SCUBE1: variants seen among roughly 807,000 people sequenced by gnomAD.
SCUBE1 encodes the protein signal peptide, CUB and EGF-like domain-containing protein 1.
A neutral mutation model predicts 124.4 loss-of-function variants in SCUBE1; 59 were observed. The ratio of observed to expected loss-of-function variants is 0.47; its 90% CI spans 0.38 to 0.59. The LOEUF (loss-of-function observed/expected upper bound fraction) is 0.59. Among genes scored for constraint, SCUBE1 ranks in the 20% least tolerant of loss-of-function variants. The pLI, the probability that SCUBE1 is intolerant of heterozygous loss-of-function variation, is 0.00. For missense variants in SCUBE1, 1,150 were observed against 1,371.2 expected, an observed-to-expected ratio of 0.84 and a Z score of 2.55; for synonymous variants, 545 against 550.9, an observed-to-expected ratio of 0.99 and a Z score of 0.15.
At chr22:43,301,919 G>A (rs537169880) in intron 3 of SCUBE1, among the ~76,000 whole-genome samples, 1 of 152,360 alleles carries the variant, frequency 6.6e-6, no homozygotes, top group African/African-American at 2.4e-5. Flanking sequence ...TGAGCTGCAT[G>A]GCCTTCGCTG....
chr22:43,278,536 C>T (rs1365909732), intron 4 of SCUBE1, among the ~76,000 whole-genome samples: 2 of 152,186 alleles, frequency 1.3e-5, no homozygotes, highest in Non-Finnish European at 2.9e-5. Context: ...GGCCCAGATC[C>T]TATAGGAATC....
chr22:43,242,660 G>C (rs988266543), intron 6 of SCUBE1, among the ~76,000 whole-genome samples: 2 of 152,258 alleles, frequency 1.3e-5, no homozygotes, highest in African/African-American at 4.8e-5. Context: ...AAGAGGAGGA[G>C]GACGCAGAGC....
At chr22:43,298,493 A>AT (rs1925646853) in intron 3 of SCUBE1, among the ~76,000 whole-genome samples, 1 of 152,200 alleles carries the variant, frequency 6.6e-6, no homozygotes, top group Non-Finnish European at 1.5e-5. Context: ...GTCCAAACCC[A>AT]GCAAGCCAGC....
Position 43,210,801 on chromosome 22 carries a change from G to A in SCUBE1, c.2383+121C>T, listed in dbSNP as rs1037475210. 9.2e-6 allele frequency: 11 copies of A among 1,191,894 alleles called. No individual in the cohort carries two copies. The highest frequency in any genetic ancestry group is 9.0e-5 in the African/African-American group (6 of 66,900). 73.8% of individuals were successfully genotyped at this position (1,191,894 alleles called of 1,614,324 possible). ...CAATGCACCCGAGAGCAGACGGGAC[G>A]GAGCGGGAGGAGTCCAGTGTCCTCG... On this transcript the variant is annotated intron_variant, in intron 18 of 21. Coordinates refer to ENST00000360835, the MANE Select transcript of SCUBE1 (RefSeq NM_173050.5). This position sits in a 1 kb window ranked among gnomAD's most constrained non-coding sequence, Gnocchi z 4.5.
chr22:43,257,184 C>T (rs1923692862), intron 6 of SCUBE1, among the ~76,000 whole-genome samples: 1 of 152,260 alleles, frequency 6.6e-6, no homozygotes, highest in Admixed American at 6.5e-5. Flanking sequence ...CCCAAGGGAA[C>T]AGCGTCCTGG....
At chr22:43,217,460 G>C (rs1370716942) in intron 15 of SCUBE1, among the ~76,000 whole-genome samples, 1 of 151,848 alleles carries the variant, frequency 6.6e-6, no homozygotes, top group Non-Finnish European at 1.5e-5. Context: ...CTTGAAGTCT[G>C]TCTCTCCCTA....
Position 43,201,721 on chromosome 22 carries a change from CTTG to C in SCUBE1, c.*2273_*2275del, listed in dbSNP as rs1921017497. On this transcript the variant is annotated 3_prime_UTR_variant, in exon 22 of 22. Transcript: ENST00000360835. ...CAATCGCAGACAGCCGATCGTGGGA[CTTG>C]TTGGCCTCCAGAATCTGTGAGCCAG... The C allele has an allele frequency of 6.6e-6, 1 of 152,180 alleles. No individual in the cohort carries two copies. The highest frequency in any genetic ancestry group is 2.1e-4 in the South Asian group (1 of 4,832). The allele number at this position is 152,180 out of a possible 1,614,324, so 9.4% of individuals were successfully genotyped here. A position where few individuals can be genotyped will look rare whatever the true frequency, so the allele number is the denominator to read the frequency against.
At chr22:43,288,122 T>C (rs1925216971) in intron 4 of SCUBE1, among the ~76,000 whole-genome samples, 3 of 152,174 alleles carry the variant, frequency 2.0e-5, no homozygotes, top group South Asian at 2.1e-4. Flanking sequence ...CACACAAAAA[T>C]CGTAAGGAGA....
chr22:43,227,338 C>T, intron 10 of SCUBE1, 36 bp downstream of exon 10: 1 of 1,592,968 alleles, frequency 6.3e-7, no homozygotes, highest in Non-Finnish European at 8.5e-7. Context: ...AGCCCAGGTG[C>T]AGGGGAGGGG....
At chr22:43,288,531 A>C (rs1925234825) in intron 4 of SCUBE1, among the ~76,000 whole-genome samples, 1 of 151,196 alleles carries the variant, frequency 6.6e-6, no homozygotes, top group Non-Finnish European at 1.5e-5. Flanking sequence ...CCTTCGTCCC[A>C]CCCTTTGTTC....
chr22:43,250,698 G>A (rs60198979), intron 6 of SCUBE1, among the ~76,000 whole-genome samples: 12,427 of 152,186 alleles, frequency 0.082, 543 homozygotes, highest in South Asian at 0.16. Flanking sequence ...AGGTAAACAC[G>A]GGGCAGAGTG....
chr22:43,339,256 G>A, intron 1 of SCUBE1, 21 bp from the exon 2 acceptor site: 8 of 1,610,732 alleles, frequency 5.0e-6, no homozygotes, highest in Non-Finnish European at 5.1e-6. Flanking sequence ...GGGTGTGGGG[G>A]GAATAAGAGG....
chr22:43,301,264 C>T (rs952177628), intron 3 of SCUBE1, among the ~76,000 whole-genome samples: 1 of 152,170 alleles, frequency 6.6e-6, no homozygotes, highest in African/African-American at 2.4e-5. Flanking sequence ...TCCATCCTGC[C>T]TCTGTCCATC....
intron 12 of SCUBE1, 81 bp downstream of exon 12, chr22:43,222,557 C>T (rs940512933): frequency 2.8e-5 from 31 of 1,118,606 alleles, no homozygotes; most frequent in Non-Finnish European, 3.9e-5. Flanking sequence ...TGGGCGGTGC[C>T]CTTTCCTCCC....
intron 21 of SCUBE1, among the ~76,000 whole-genome samples, chr22:43,205,707 C>T (rs1270913131): frequency 1.8e-5 from 2 of 113,476 alleles, no homozygotes; most frequent in East Asian, 4.7e-4. Context: ...ACACCACCCA[C>T]TCACCACACA....
At chr22:43,239,243 A>G (rs1922899902) in intron 6 of SCUBE1, among the ~76,000 whole-genome samples, 1 of 152,250 alleles carries the variant, frequency 6.6e-6, no homozygotes. Flanking sequence ...GCTGCTGCCA[A>G]TAGGGTCAAA....
At chr22:43,335,871 GTGA>G (rs1166373188) in intron 2 of SCUBE1, among the ~76,000 whole-genome samples, 3 of 107,108 alleles carry the variant, frequency 2.8e-5, no homozygotes, top group African/African-American at 1.3e-4. Context: ...GATGGTGATG[GTGA>G]TGATGGTGAT....
At position 43,210,352 on chromosome 22, in the gene SCUBE1, TC is replaced by T. The variant is rs370202223; in HGVS notation, c.2384-113del. 1.2e-4 allele frequency: 102 copies of T among 871,208 alleles called. No homozygotes were observed. The highest frequency in any genetic ancestry group is 4.1e-4 in the South Asian group (19 of 46,590). 54.0% of individuals were successfully genotyped at this position (871,208 alleles called of 1,614,324 possible). ...AGGGCAGGGCTGGAAGGTGCTCTTG[TC>T]CCCCCCCACACTAGCCCTCGGACCC... is the stretch of plus-strand genomic sequence containing the variant. On this transcript the variant is annotated intron_variant, in intron 18 of 21. Coordinates refer to ENST00000360835, the MANE Select transcript of SCUBE1 (RefSeq NM_173050.5). The surrounding 1 kb of genome is among the most constrained non-coding windows in gnomAD (Gnocchi z 4.5).
At chr22:43,209,183 C>T (rs1052991137) in intron 19 of SCUBE1, among the ~76,000 whole-genome samples, 5 of 152,170 alleles carry the variant, frequency 3.3e-5, no homozygotes, top group African/African-American at 1.2e-4. Context: ...GGAGGAGCAG[C>T]CCTGGCGCAG....
Sources: allele counts gnomAD v4.1 joint callset (sites outside exome capture counted in the v4.1 genomes callset), GRCh38; gene constraint gnomAD v4.1.1; non-coding constraint Gnocchi (gnomAD v3.1); transcripts MANE v1.5; gene names NCBI Gene and HGNC (gene_info 2026-07-23, HGNC 2026-07-21).